The following NCDN variants were observed in gnomAD, a reference collection of about 807,000 sequenced individuals.
The protein encoded by NCDN is neurochondrin, also known as norbin.
NCDN carries 9 observed loss-of-function variants against 60.7 expected under a neutral mutation model. The ratio of observed to expected loss-of-function variants is 0.15; its 90% CI spans 0.09 to 0.26. The LOEUF (loss-of-function observed/expected upper bound fraction) is 0.26, where lower values mean the gene tolerates loss of function less well. Ranked by LOEUF, NCDN falls within the 10% of genes least tolerant of loss-of-function variation. The pLI is 1.00. For missense variants in NCDN, 578 were observed against 975.2 expected (o/e 0.59, Z 5.42); for synonymous variants, 409 against 442.5 (o/e 0.92, Z 0.95).
Position 35,563,969 on chromosome 1 carries a change from T to A in NCDN, c.1753+60T>A, listed in dbSNP as rs1470757507. The A allele has an allele frequency of 1.3e-6, 2 of 1,534,450 alleles. No homozygotes were observed. Among genetic ancestry groups the A allele is most frequent in the East Asian group, 2.3e-5 (1 of 43,222 alleles). On this transcript the variant is annotated intron_variant, in intron 6 of 6. Transcript: ENST00000373243. This position sits in a 1 kb window ranked among gnomAD's most constrained non-coding sequence, Gnocchi z 6.6. ...ACAGAAGACCTGGGTGGACCTCCTG[T>A]GTTTGGGGCAAAAGTCACCATTTTT...
chr1:35,558,699 TCTCC>T lies in NCDN; in HGVS notation c.34-405_34-402del, dbSNP rs2148535437. On this transcript the variant is annotated intron_variant, in intron 1 of 6. Transcript: ENST00000373243. The surrounding 1 kb of genome is among the most constrained non-coding windows in gnomAD (Gnocchi z 6.3). ...AACTTCACCCATGTATGTCTCCATT[TCTCC>T]CTGTCTGTCCTCACCACTCACTCCC... 1 of 1,136,506 alleles carries T rather than the reference TCTCC, an allele frequency of 8.8e-7. No individual in the cohort carries two copies. Among genetic ancestry groups the T allele is most frequent in the Admixed American group, 4.3e-5 (1 of 23,010 alleles). The allele number at this position is 1,136,506 out of a possible 1,614,324, so 70.4% of individuals were successfully genotyped here. A position where few individuals can be genotyped will look rare whatever the true frequency, so the allele number is the denominator to read the frequency against.
At position 35,558,345 on chromosome 1, in the gene NCDN, T is replaced by C. The variant is rs1571080418; in HGVS notation, c.33+122T>C. ...ACTATCCGGGACCCCCTCTTGCTTCTCCAGCCCCTGCCGGCATCCACAGGC... is the reference window on the plus strand; with the variant it reads ...ACTATCCGGGACCCCCTCTTGCTTCCCCAGCCCCTGCCGGCATCCACAGGC... On this transcript the variant is annotated intron_variant, in intron 1 of 6. Coordinates refer to ENST00000373243, the MANE Select transcript of NCDN (RefSeq NM_014284.3). This position sits in a 1 kb window ranked among gnomAD's most constrained non-coding sequence, Gnocchi z 6.3. The C allele has an allele frequency of 6.5e-7, 1 of 1,543,494 alleles. No individual in the cohort carries two copies.
At position 35,565,573 on chromosome 1, in the gene NCDN, G is replaced by C; in HGVS notation, c.2100G>C (p.Leu700=). ...VLVELARANR[L]CREAMRLQAG... is the part of the protein sequence containing the mutation. Reference sequence around the variant, plus strand: ...TGGAGCTGGCGCGGGCCAACCGGCTGTGCCGGGAGGCCATGAGGCTGCAGG... The same window carrying C: ...TGGAGCTGGCGCGGGCCAACCGGCTCTGCCGGGAGGCCATGAGGCTGCAGG... Residue 700 remains leucine (L), a synonymous_variant, in exon 7 of 7, where the codon CTG becomes CTC. Coordinates refer to ENST00000373243, the MANE Select transcript of NCDN (RefSeq NM_014284.3). This position sits in a 1 kb window ranked among gnomAD's most constrained non-coding sequence, Gnocchi z 8.9. 1 of 1,564,020 alleles carries C rather than the reference G, an allele frequency of 6.4e-7. No individual in the cohort carries two copies. The highest frequency in any genetic ancestry group is 1.2e-5 in the South Asian group (1 of 86,164).
Position 35,563,191 on chromosome 1 carries a change from C to T in NCDN, c.1386-11C>T. ...CAATCCCACACACGTCTGTCCCTTC[C>T]ACATCCCCAGGCTCCTCCTGCCTGG... On this transcript the variant is annotated splice_polypyrimidine_tract_variant and intron_variant, in intron 4 of 6. Coordinates refer to ENST00000373243, the MANE Select transcript of NCDN (RefSeq NM_014284.3). This position sits in a 1 kb window ranked among gnomAD's most constrained non-coding sequence, Gnocchi z 6.6. The T allele has an allele frequency of 1.2e-6, 2 of 1,608,680 alleles. No individual in the cohort carries two copies. The highest frequency in any genetic ancestry group is 1.7e-6 in the Non-Finnish European group (2 of 1,176,268).
In NCDN at chr1:35,562,280, G is replaced by T. The variant is rs1223824799; in HGVS notation, c.1144-112G>T. 14 of 1,471,676 alleles carry T rather than the reference G, an allele frequency of 9.5e-6. No homozygotes were observed. The highest frequency in any genetic ancestry group is 8.0e-5 in the Admixed American group (4 of 49,996). The allele number at this position is 1,471,676 out of a possible 1,614,324, so 91.2% of individuals were successfully genotyped here. ...AAAGGTTGGGGCCTGCCTTTGAAAG[G>T]CTCACAGGCCAGAATTTCCTTCTAG... On this transcript the variant is annotated intron_variant, in intron 3 of 6. Transcript: ENST00000373243. This position sits in a 1 kb window ranked among gnomAD's most constrained non-coding sequence, Gnocchi z 6.8.
rs751126346 is a variant in NCDN, at chr1:35,560,912, C to A, written c.761C>A (p.Pro254His). 2.5e-6 allele frequency: 4 copies of A among 1,614,142 alleles called. No homozygotes were observed. The Admixed American group carries it at 6.7e-5, about 27-fold the overall frequency. ...LPLFLPPTTV[P>H]PECYRDLQAG... ...CTCTTTTTGCCCCCGACAACCGTGCCCCCTGAATGCTACCGGGATCTGCAG... is the reference window on the plus strand; with the variant it reads ...CTCTTTTTGCCCCCGACAACCGTGCACCCTGAATGCTACCGGGATCTGCAG... The change falls in exon 3 of 7, where the codon CCC becomes CAC. Residue 254 changes from proline (P) to histidine (H), a missense_variant. Pro to His is a moderately conservative substitution (Grantham distance 77, BLOSUM62 -2). Transcript: ENST00000373243. This position sits in a 1 kb window ranked among gnomAD's most constrained non-coding sequence, Gnocchi z 7.6.
Position 35,562,449 on chromosome 1 carries a change from G to A in NCDN, c.1201G>A (p.Ala401Thr). 2 of 1,614,180 alleles carry A rather than the reference G, an allele frequency of 1.2e-6. No individual in the cohort carries two copies. Among genetic ancestry groups the A allele is most frequent in the Non-Finnish European group, 1.7e-6 (2 of 1,180,030 alleles). Reference sequence around the variant, plus strand: ...GTTTGCCTCGGTGCGGATCCTGGGTGCCTGGCTGGCCGAGGAGACCTCATC... The same window carrying A: ...GTTTGCCTCGGTGCGGATCCTGGGTACCTGGCTGGCCGAGGAGACCTCATC... The part of the protein sequence containing the change: ...FVFASVRILG[A>T]WLAEETSSLR... Residue 401 changes from alanine to threonine, a missense_variant, in exon 4 of 7, where the codon GCC (alanine) becomes ACC (threonine). Physicochemically the swap from Ala to Thr is moderately conservative, Grantham distance 58. Around this residue, in one of 3 missense-constraint regions of NCDN, gnomAD observed 363 missense variants for 583.6 expected, o/e 0.62. Transcript: ENST00000373243. This position sits in a 1 kb window ranked among gnomAD's most constrained non-coding sequence, Gnocchi z 6.8.
chr1:35,562,244 TG>T lies in NCDN; in HGVS notation c.1144-145del. The T allele has an allele frequency of 8.5e-7, 1 of 1,179,588 alleles. No individual in the cohort carries two copies. Among genetic ancestry groups the T allele is most frequent in the Non-Finnish European group, 1.2e-6 (1 of 832,654 alleles). The allele number at this position is 1,179,588 out of a possible 1,614,324, so 73.1% of individuals were successfully genotyped here. ...TACCACATGCTAGGTGCTGGGTTCATGGGACAGAATAAAGGTTGGGGCCTGC... is the reference window on the plus strand; with the variant it reads ...TACCACATGCTAGGTGCTGGGTTCATGGACAGAATAAAGGTTGGGGCCTGC... On this transcript the variant is annotated intron_variant, in intron 3 of 6. Transcript: ENST00000373243. This position sits in a 1 kb window ranked among gnomAD's most constrained non-coding sequence, Gnocchi z 6.8.
chr1:35,560,911 C>T lies in NCDN; in HGVS notation c.760C>T (p.Pro254Ser), dbSNP rs768893626. The T allele has an allele frequency of 6.2e-7, 1 of 1,614,130 alleles. No individual in the cohort carries two copies. Among genetic ancestry groups the T allele is most frequent in the Non-Finnish European group, 8.5e-7 (1 of 1,179,998 alleles). Residue 254 changes from proline to serine, a missense_variant, in exon 3 of 7, where the codon CCC (proline) becomes TCC (serine). Around this residue, in one of 3 missense-constraint regions of NCDN, gnomAD observed 363 missense variants for 583.6 expected, o/e 0.62. Transcript: ENST00000373243. This position sits in a 1 kb window ranked among gnomAD's most constrained non-coding sequence, Gnocchi z 7.6. The stretch of plus-strand genomic sequence containing the variant: ...CCTCTTTTTGCCCCCGACAACCGTG[C>T]CCCCTGAATGCTACCGGGATCTGCA... Reference protein sequence around the residue: ...LPLFLPPTTVPPECYRDLQAG... With the variant: ...LPLFLPPTTVSPECYRDLQAG...
Position 35,558,352 on chromosome 1 carries a change from C to A in NCDN, c.33+129C>A, listed in dbSNP as rs1483711759. On this transcript the variant is annotated intron_variant, in intron 1 of 6. Transcript: ENST00000373243. The surrounding 1 kb of genome is among the most constrained non-coding windows in gnomAD (Gnocchi z 6.3). ...GGGACCCCCTCTTGCTTCTCCAGCCCCTGCCGGCATCCACAGGCTGGTAGC... is the reference window on the plus strand; with the variant it reads ...GGGACCCCCTCTTGCTTCTCCAGCCACTGCCGGCATCCACAGGCTGGTAGC... The A allele has an allele frequency of 3.2e-6, 5 of 1,538,594 alleles. No individual in the cohort carries two copies. Among genetic ancestry groups the A allele is most frequent in the Non-Finnish European group, 4.4e-6 (5 of 1,141,622 alleles).
At position 35,560,122 on chromosome 1, in the gene NCDN, C is replaced by T. The variant is rs569939016; in HGVS notation, c.175-204C>T. Among the ~76,000 whole-genome samples the T allele has an allele frequency of 1.3e-5, 2 of 152,272 alleles. No homozygotes were observed. Among genetic ancestry groups the T allele is most frequent in the East Asian group, 1.9e-4 (1 of 5,174 alleles). ...GGTTGAGGAAGACTAGACCTCACTT[C>T]CATGGGACAGTCACAGATGAGAGGG... is the stretch of plus-strand genomic sequence containing the variant. On this transcript the variant is annotated intron_variant, in intron 2 of 6. Transcript: ENST00000373243. The surrounding 1 kb of genome is among the most constrained non-coding windows in gnomAD (Gnocchi z 7.6).
At chr1:35,564,259 C>T (rs531321600) in intron 6 of NCDN, among the ~76,000 whole-genome samples, 1 of 152,230 alleles carries the variant, frequency 6.6e-6, no homozygotes, top group Admixed American at 6.5e-5. Context: ...ACCTGACTTC[C>T]TTCCATTGAT....
chr1:35,566,353 G>A lies in NCDN; in HGVS notation c.*690G>A, dbSNP rs1235205700. 2 of 189,034 alleles carry A rather than the reference G, an allele frequency of 1.1e-5. No homozygotes were observed. Among genetic ancestry groups the A allele is most frequent in the Admixed American group, 1.1e-4 (2 of 17,798 alleles). The allele number at this position is 189,034 out of a possible 1,614,324, so 11.7% of individuals were successfully genotyped here. On this transcript the variant is annotated 3_prime_UTR_variant, in exon 7 of 7. Coordinates refer to ENST00000373243, the MANE Select transcript of NCDN (RefSeq NM_014284.3). The surrounding 1 kb of genome is among the most constrained non-coding windows in gnomAD (Gnocchi z 5.3). ...TAAACCTTTGTGTCGTGTTGCAGCAGAGTGACGATGGGGGTTGGGGGGTTA... is the reference window on the plus strand; with the variant it reads ...TAAACCTTTGTGTCGTGTTGCAGCAAAGTGACGATGGGGGTTGGGGGGTTA...
Position 35,560,982 on chromosome 1 carries a change from G to T in NCDN, c.831G>T (p.Gln277His). ...RILGSKLSSW[Q>H]RNPALKLAAR... ...TGGGAAGCAAGCTGAGCTCCTGGCA[G>T]CGCAACCCTGCACTGAAGCTGGCAG... The change falls in exon 3 of 7, where the codon CAG becomes CAT. Residue 277 changes from glutamine to histidine, a missense_variant. Physicochemically the swap from Gln to His is conservative, Grantham distance 24 (BLOSUM62 0). This residue lies in a region of NCDN where 363 missense variants were observed against 583.6 expected (regional missense o/e 0.62). Transcript: ENST00000373243. The surrounding 1 kb of genome is among the most constrained non-coding windows in gnomAD (Gnocchi z 7.6). The T allele has an allele frequency of 6.2e-7, 1 of 1,612,476 alleles. No homozygotes were observed. Among genetic ancestry groups the T allele is most frequent in the Non-Finnish European group, 8.5e-7 (1 of 1,179,060 alleles).
Position 35,565,720 on chromosome 1 carries a change from C to T in NCDN, c.*57C>T. 2 of 1,471,122 alleles carry T rather than the reference C, an allele frequency of 1.4e-6. No homozygotes were observed. The allele number at this position is 1,471,122 out of a possible 1,614,324, so 91.1% of individuals were successfully genotyped here. A position where few individuals can be genotyped will look rare whatever the true frequency, so the allele number is the denominator to read the frequency against. On this transcript the variant is annotated 3_prime_UTR_variant, in exon 7 of 7. Transcript: ENST00000373243. The surrounding 1 kb of genome is among the most constrained non-coding windows in gnomAD (Gnocchi z 8.9). ...GGCAGAGAGGGAAGGAGGGAGGAGG[C>T]ATCTTCCCTGAAGCCCCCAATCTGG...
At position 35,558,217 on chromosome 1, in the gene NCDN, G is replaced by C; in HGVS notation, c.27G>C (p.Ala9=). The change falls in exon 1 of 7, where the codon GCG becomes GCC. Residue 9 remains alanine (A), a synonymous_variant. Transcript: ENST00000373243. This position sits in a 1 kb window ranked among gnomAD's most constrained non-coding sequence, Gnocchi z 6.3. The part of the protein sequence containing the change: MSCCDLAA[A]GQLGKASIMA... ...TGTCGTGTTGTGACCTGGCTGCGGC[G>C]GGACAGGTGGTGACCGCCAGGAACC... is the stretch of plus-strand genomic sequence containing the variant. 6.2e-7 allele frequency: 1 copy of C among 1,614,006 alleles called. No individual in the cohort carries two copies. The highest frequency in any genetic ancestry group is 1.7e-5 in the Admixed American group (1 of 60,000).
Position 35,558,086 on chromosome 1 carries a change from C to G in NCDN, c.-105C>G, listed in dbSNP as rs998785531. ...TTTTTTTTTTAATTTGCCCTGTCAT[C>G]TTTGGGGGCTGTCTCCCATGTCGTG... On this transcript the variant is annotated 5_prime_UTR_variant, in exon 1 of 7. The change creates a new upstream start codon in the 5' untranslated region. Coordinates refer to ENST00000373243, the MANE Select transcript of NCDN (RefSeq NM_014284.3). The surrounding 1 kb of genome is among the most constrained non-coding windows in gnomAD (Gnocchi z 6.3). 10 of 1,482,594 alleles carry G rather than the reference C, an allele frequency of 6.7e-6. No homozygotes were observed. Among genetic ancestry groups the G allele is most frequent in the Non-Finnish European group, 8.4e-6 (9 of 1,076,148 alleles). The allele number at this position is 1,482,594 out of a possible 1,614,324, so 91.8% of individuals were successfully genotyped here.
chr1:35,558,427 G>C lies in NCDN; in HGVS notation c.33+204G>C. 1.4e-6 allele frequency: 2 copies of C among 1,439,434 alleles called. No individual in the cohort carries two copies. Among genetic ancestry groups the C allele is most frequent in the Non-Finnish European group, 1.8e-6 (2 of 1,100,726 alleles). The allele number at this position is 1,439,434 out of a possible 1,614,324, so 89.2% of individuals were successfully genotyped here. A position where few individuals can be genotyped will look rare whatever the true frequency, so the allele number is the denominator to read the frequency against. ...AGCGCAAGGGGTTAATTCTGCTGCTGCCGCCGCCGCTGCTGCTGCTGCTGC... is the reference window on the plus strand; with the variant it reads ...AGCGCAAGGGGTTAATTCTGCTGCTCCCGCCGCCGCTGCTGCTGCTGCTGC... On this transcript the variant is annotated intron_variant, in intron 1 of 6. Transcript: ENST00000373243. The surrounding 1 kb of genome is among the most constrained non-coding windows in gnomAD (Gnocchi z 6.3).
chr1:35,559,253 G>A lies in NCDN; in HGVS notation c.174+6G>A, dbSNP rs1648599792. Reference sequence around the variant, plus strand: ...AGTTTGCAGCCCTGCTGCTAGTAAGGAACTGGCTGAAAATTGGGAGGTGGG... The same window carrying A: ...AGTTTGCAGCCCTGCTGCTAGTAAGAAACTGGCTGAAAATTGGGAGGTGGG... On this transcript the variant is annotated splice_donor_region_variant and intron_variant, in intron 2 of 6. Coordinates refer to ENST00000373243, the MANE Select transcript of NCDN (RefSeq NM_014284.3). The A allele has an allele frequency of 1.2e-6, 2 of 1,613,916 alleles. No individual in the cohort carries two copies. Among genetic ancestry groups the A allele is most frequent in the African/African-American group, 1.3e-5 (1 of 74,928 alleles).
Sources: allele counts gnomAD v4.1 joint callset (sites outside exome capture counted in the v4.1 genomes callset), GRCh38; gene constraint gnomAD v4.1.1; regional missense constraint gnomAD v4.1.1; non-coding constraint Gnocchi (gnomAD v3.1); transcripts MANE v1.5; gene names NCBI Gene and HGNC (gene_info 2026-07-23, HGNC 2026-07-21).